Variants in MAF observed in about 807,000 individuals in gnomAD.
The protein encoded by MAF is MAF bZIP transcription factor.
In MAF, 10 loss-of-function variants were observed where a neutral mutation model predicts 22.0. That is an observed-to-expected ratio of 0.45 (90% CI 0.28 to 0.77). The LOEUF (loss-of-function observed/expected upper bound fraction) is 0.77, where lower values mean the gene tolerates loss of function less well. Ranked by LOEUF, MAF falls within the 30% of genes least tolerant of loss-of-function variation. The pLI is 0.12. For missense variants in MAF, 544 were observed against 548.4 expected, an observed-to-expected ratio of 0.99 and a Z score of 0.08; for synonymous variants, 337 against 255.8, an observed-to-expected ratio of 1.32 and a Z score of -3.03.
the MAF span, among the ~76,000 whole-genome samples, chr16:79,290,532 A>G: frequency 1.3e-5 from 2 of 152,314 alleles, no homozygotes; most frequent in Admixed American, 6.5e-5. Context: ...AGCTGTCCCA[A>G]GAGCCTGTGT....
the MAF span, among the ~76,000 whole-genome samples, chr16:79,346,919 T>A: frequency 6.6e-6 from 1 of 152,168 alleles, no homozygotes. Context: ...AATAATCCCA[T>A]TAGGTTTATT....
chr16:79,582,705 A>C (rs373616041), downstream of MAF, among the ~76,000 whole-genome samples: 10 of 152,270 alleles, frequency 6.6e-5, no homozygotes, highest in East Asian at 1.7e-3. Flanking sequence ...GCTTTAAATG[A>C]AATTGTTTGG....
chr16:79,543,817 G>A, the MAF span, among the ~76,000 whole-genome samples: 183 of 152,062 alleles, frequency 1.2e-3, no homozygotes, highest in African/African-American at 4.2e-3. Flanking sequence ...CTGCCCAGTA[G>A]CTGGGACTAC....
chr16:79,569,197 C>T, the MAF span, among the ~76,000 whole-genome samples: 1 of 152,172 alleles, frequency 6.6e-6, no homozygotes, highest in Non-Finnish European at 1.5e-5. Flanking sequence ...TCGGATAACG[C>T]TTTGTGGGAG....
chr16:79,510,319 G>A, the MAF span, among the ~76,000 whole-genome samples: 2 of 152,198 alleles, frequency 1.3e-5, no homozygotes, highest in Non-Finnish European at 2.9e-5. Flanking sequence ...CACTAGAAGA[G>A]AGACTGTTTC....
chr16:79,213,899 C>G, the MAF span, among the ~76,000 whole-genome samples: 4 of 152,120 alleles, frequency 2.6e-5, no homozygotes, highest in East Asian at 1.9e-4. Context: ...TTTTTTCTAC[C>G]CTACTTCTCT....
At chr16:79,239,412 G>C in the MAF span, among the ~76,000 whole-genome samples, 2 of 152,020 alleles carry the variant, frequency 1.3e-5, no homozygotes, top group Admixed American at 6.6e-5. Flanking sequence ...TCCAACTTGA[G>C]GCTGTTGGTG....
chr16:79,584,275 C>G (rs867387928), downstream of MAF, among the ~76,000 whole-genome samples: 10 of 152,086 alleles, frequency 6.6e-5, no homozygotes, highest in Admixed American at 5.2e-4. Flanking sequence ...TGACTGAAAT[C>G]CCTTAACCAA....
the MAF span, among the ~76,000 whole-genome samples, chr16:79,362,163 A>G: frequency 6.6e-6 from 1 of 152,216 alleles, no homozygotes; most frequent in Non-Finnish European, 1.5e-5. Context: ...TTATAAAGGT[A>G]TTGTGAGAAT....
the MAF span, among the ~76,000 whole-genome samples, chr16:79,435,772 C>T: frequency 5.3e-5 from 8 of 152,310 alleles, no homozygotes; most frequent in South Asian, 1.2e-3. Context: ...TGACCATATC[C>T]TTCGTTATTT....
the MAF span, among the ~76,000 whole-genome samples, chr16:79,544,314 C>T: frequency 6.6e-6 from 1 of 152,174 alleles, no homozygotes; most frequent in Non-Finnish European, 1.5e-5. Context: ...AGTGCTCGGT[C>T]ATCACACATG....
At chr16:79,581,723 C>G (rs914160063), downstream of MAF, among the ~76,000 whole-genome samples, 1 of 152,192 alleles carries the variant, frequency 6.6e-6, no homozygotes, top group Admixed American at 6.5e-5. Context: ...ACAATCCTAC[C>G]GACAAAAATC....
the MAF span, among the ~76,000 whole-genome samples, chr16:79,238,054 C>G: frequency 6.6e-6 from 1 of 152,134 alleles, no homozygotes; most frequent in African/African-American, 2.4e-5. Flanking sequence ...AATTTCTCCT[C>G]TCACCCAGGC....
the MAF span, among the ~76,000 whole-genome samples, chr16:79,565,972 G>T: frequency 2.0e-5 from 3 of 152,238 alleles, no homozygotes; most frequent in South Asian, 4.1e-4. Flanking sequence ...ATCAAGTCTG[G>T]CAGACTCTAG....
chr16:79,467,174 A>ATT, the MAF span, among the ~76,000 whole-genome samples: 2 of 152,118 alleles, frequency 1.3e-5, no homozygotes, highest in African/African-American at 4.8e-5. Flanking sequence ...CAAATTCATC[A>ATT]TTCCCTTCTT....
chr16:79,329,794 C>T, the MAF span, among the ~76,000 whole-genome samples: 298 of 152,290 alleles, frequency 2.0e-3, 1 homozygote, highest in Non-Finnish European at 3.8e-3. Context: ...ATGCCTTCTA[C>T]TTAAATACAG....
chr16:79,302,095 G>A, the MAF span, among the ~76,000 whole-genome samples: 1 of 152,208 alleles, frequency 6.6e-6, no homozygotes, highest in Non-Finnish European at 1.5e-5. Flanking sequence ...GTGCCACTAG[G>A]ACACGCCTTC....
chr16:79,535,278 G>C, the MAF span, among the ~76,000 whole-genome samples: 1 of 151,796 alleles, frequency 6.6e-6, no homozygotes, highest in Non-Finnish European at 1.5e-5. Flanking sequence ...TGTGGATGGC[G>C]CCTCGGTTTT....
chr16:79,335,802 C>A, the MAF span, among the ~76,000 whole-genome samples: 10 of 152,306 alleles, frequency 6.6e-5, no homozygotes, highest in East Asian at 1.7e-3. Flanking sequence ...TGGTGATTTT[C>A]TTCTCTCTCT....
Sources: allele counts gnomAD v4.1 joint callset (sites outside exome capture counted in the v4.1 genomes callset), GRCh38; gene constraint gnomAD v4.1.1; transcripts MANE v1.5; gene names NCBI Gene and HGNC (gene_info 2026-07-23, HGNC 2026-07-21).